Variants in NKAIN3 observed in about 807,000 individuals in gnomAD.
NKAIN3 encodes sodium/potassium transporting ATPase interacting 3, also known as sodium/potassium-transporting ATPase subunit beta-1-interacting protein 3.
In NKAIN3, 25 loss-of-function variants were observed where a neutral mutation model predicts 30.2. The observed-to-expected ratio is 0.83, with a 90% CI of 0.60 to 1.16. The LOEUF (loss-of-function observed/expected upper bound fraction) is 1.16, where lower values mean the gene tolerates loss of function less well. Among genes scored for constraint, NKAIN3 ranks in the 50% most tolerant of loss-of-function variants. NKAIN3 has a pLI of 0.00. For synonymous variants in NKAIN3, 91 were observed against 89.6 expected, an observed-to-expected ratio of 1.02 and a Z score of -0.09; for missense variants, 225 against 254.1, an observed-to-expected ratio of 0.89 and a Z score of 0.78.
At chr8:62,460,462 G>C (rs1228434236) in intron 1 of NKAIN3, among the ~76,000 whole-genome samples, 1 of 151,506 alleles carries the variant, frequency 6.6e-6, no homozygotes, top group Non-Finnish European at 1.5e-5. Flanking sequence ...GAATAAACTT[G>C]TTTGGAAGTC....
intron 4 of NKAIN3, among the ~76,000 whole-genome samples, chr8:62,798,486 G>A (rs2130687368): frequency 6.6e-6 from 1 of 152,060 alleles, no homozygotes; most frequent in East Asian, 1.9e-4. Flanking sequence ...GCAGGAGAAT[G>A]GTGTGAACCC....
chr8:62,443,418 C>G (rs768870739), intron 1 of NKAIN3, among the ~76,000 whole-genome samples: 6 of 152,110 alleles, frequency 3.9e-5, no homozygotes, highest in Non-Finnish European at 8.8e-5. Flanking sequence ...AAGTCTCACT[C>G]TGTCACCCAG....
intron 1 of NKAIN3, among the ~76,000 whole-genome samples, chr8:62,256,560 G>A (rs1305640934): frequency 2.6e-5 from 4 of 152,182 alleles, no homozygotes; most frequent in African/African-American, 9.7e-5. Flanking sequence ...AGGGAGTGTC[G>A]TGTTTCCCAT....
intron 5 of NKAIN3, among the ~76,000 whole-genome samples, chr8:62,926,460 A>T (rs1822446202): frequency 6.6e-6 from 1 of 152,098 alleles, no homozygotes; most frequent in Non-Finnish European, 1.5e-5. Context: ...GCCTGATGCA[A>T]CCTCACAACG....
At chr8:62,893,739 G>A (rs941521481) in intron 4 of NKAIN3, among the ~76,000 whole-genome samples, 19 of 152,196 alleles carry the variant, frequency 1.2e-4, no homozygotes, top group African/African-American at 3.9e-4. Context: ...GGTAAAAATG[G>A]AGGCCAATAT....
At chr8:62,768,994 G>A (rs1816935558) in intron 4 of NKAIN3, among the ~76,000 whole-genome samples, 1 of 152,168 alleles carries the variant, frequency 6.6e-6, no homozygotes, top group African/African-American at 2.4e-5. Context: ...GGACATCCAT[G>A]ATAAATTATG....
At chr8:62,804,157 G>A (rs1213179440) in intron 4 of NKAIN3, among the ~76,000 whole-genome samples, 1 of 152,172 alleles carries the variant, frequency 6.6e-6, no homozygotes, top group Non-Finnish European at 1.5e-5. Flanking sequence ...GGACCAGATG[G>A]ATTCACAGCA....
chr8:62,937,312 C>T (rs553716475), intron 5 of NKAIN3, among the ~76,000 whole-genome samples: 43 of 152,274 alleles, frequency 2.8e-4, no homozygotes, highest in African/African-American at 9.6e-4. Flanking sequence ...AAAGAAGTGG[C>T]TTGCCACTGC....
chr8:62,806,061 C>T (rs993862710), intron 4 of NKAIN3, among the ~76,000 whole-genome samples: 2 of 152,136 alleles, frequency 1.3e-5, no homozygotes. Flanking sequence ...AAATGCTCAC[C>T]ATCACTGGCC....
chr8:62,710,016 G>A (rs113574098), intron 3 of NKAIN3, among the ~76,000 whole-genome samples: 3,392 of 152,158 alleles, frequency 0.022, 99 homozygotes, highest in African/African-American at 0.071. Context: ...AAATTTCCAT[G>A]TATTTGCATT....
At chr8:62,384,018 G>A (rs1019325760) in intron 1 of NKAIN3, among the ~76,000 whole-genome samples, 1 of 151,760 alleles carries the variant, frequency 6.6e-6, no homozygotes, top group Non-Finnish European at 1.5e-5. Context: ...ACTTTTCTCT[G>A]CTTCTTGGAA....
intron 1 of NKAIN3, among the ~76,000 whole-genome samples, chr8:62,559,759 C>T (rs1001362295): frequency 6.6e-6 from 1 of 151,994 alleles, no homozygotes; most frequent in Non-Finnish European, 1.5e-5. Flanking sequence ...GGTACCACAA[C>T]AGATGGCATT....
chr8:62,405,284 TC>T (rs1263375090), intron 1 of NKAIN3, among the ~76,000 whole-genome samples: 1 of 152,212 alleles, frequency 6.6e-6, no homozygotes, highest in Non-Finnish European at 1.5e-5. Flanking sequence ...CTGGGTTGCA[TC>T]CCCACCAAGT....
intron 3 of NKAIN3, among the ~76,000 whole-genome samples, chr8:62,636,549 T>C (rs1812136100): frequency 1.3e-5 from 2 of 152,224 alleles, no homozygotes. Context: ...CTGAACAATG[T>C]TGAGGTTGAA....
chr8:62,987,266 G>A (rs971533319), downstream of NKAIN3, among the ~76,000 whole-genome samples: 10 of 151,988 alleles, frequency 6.6e-5, no homozygotes, highest in East Asian at 1.9e-4. Context: ...GGTGGCTGGC[G>A]TGTGCCTGTA....
At chr8:62,567,216 C>G (rs1254002716) in intron 1 of NKAIN3, among the ~76,000 whole-genome samples, 1 of 152,032 alleles carries the variant, frequency 6.6e-6, no homozygotes, top group East Asian at 1.9e-4. Context: ...AGGAGTGGAA[C>G]AGACAGTAAC....
At chr8:62,265,043 A>G (rs1448060254) in intron 1 of NKAIN3, among the ~76,000 whole-genome samples, 3 of 152,200 alleles carry the variant, frequency 2.0e-5, no homozygotes, top group African/African-American at 4.8e-5. Flanking sequence ...TCAGAAGCAT[A>G]CAGCTCATGG....
chr8:62,942,248 A>G (rs1822985418), intron 5 of NKAIN3, among the ~76,000 whole-genome samples: 1 of 145,564 alleles, frequency 6.9e-6, no homozygotes, highest in Non-Finnish European at 1.5e-5. Context: ...ATATATATAC[A>G]TATATATATA....
chr8:62,619,767 C>T (rs921464959), intron 3 of NKAIN3, among the ~76,000 whole-genome samples: 13 of 151,180 alleles, frequency 8.6e-5, no homozygotes, highest in African/African-American at 2.9e-4. Flanking sequence ...AACCACTGAA[C>T]GAACATGCCT....
Sources: gnomAD v4.1 joint callset for allele counts (sites outside exome capture counted in the v4.1 genomes callset) on GRCh38, gnomAD v4.1.1 for gene constraint, MANE v1.5 for transcripts, NCBI Gene and HGNC (gene_info 2026-07-23, HGNC 2026-07-21) for gene names.